Variants in MGMT observed in about 807,000 individuals in gnomAD.
The protein encoded by MGMT is O-6-methylguanine-DNA methyltransferase.
Under a neutral mutation model 15.9 loss-of-function variants are expected in MGMT, and 14 were observed. That is an observed-to-expected ratio of 0.88 (90% CI 0.58 to 1.37). The LOEUF (loss-of-function observed/expected upper bound fraction) is 1.37. MGMT is among the 40% of genes most tolerant of loss of function. The pLI is 0.00. For missense variants in MGMT, 282 were observed against 268.1 expected (o/e 1.05, Z -0.36); for synonymous variants, 130 against 118.2 (o/e 1.10, Z -0.65).
chr10:129,765,813 G>A (rs1287843071), intron 4 of MGMT, among the ~76,000 whole-genome samples: 1 of 152,154 alleles, frequency 6.6e-6, no homozygotes, highest in Non-Finnish European at 1.5e-5. Context: ...ATTCTCCCTT[G>A]TGGGTGTGAG....
At chr10:129,508,528 TTTTTTTG>T (rs1436924728) in intron 1 of MGMT, among the ~76,000 whole-genome samples, 2 of 151,134 alleles carry the variant, frequency 1.3e-5, no homozygotes, top group East Asian at 3.9e-4. Flanking sequence ...TTCTTTTTTT[TTTTTTTG>T]TTTTTTGTTT....
chr10:129,746,996 G>C (rs780989294), intron 3 of MGMT, among the ~76,000 whole-genome samples: 7 of 152,116 alleles, frequency 4.6e-5, no homozygotes, highest in African/African-American at 1.7e-4. Flanking sequence ...AGACATTCTT[G>C]TGATTACTTT....
At chr10:129,705,889 G>A (rs1041160027) in intron 2 of MGMT, among the ~76,000 whole-genome samples, 3 of 151,932 alleles carry the variant, frequency 2.0e-5, no homozygotes, top group Non-Finnish European at 4.4e-5. Context: ...TCAGCACGGG[G>A]CCAGGGCAAC....
intron 3 of MGMT, among the ~76,000 whole-genome samples, chr10:129,708,556 T>G (rs113600722): frequency 2.1e-4 from 32 of 152,356 alleles, no homozygotes; most frequent in African/African-American, 7.5e-4. Flanking sequence ...AAGAGATGAC[T>G]TGAGAACTTA....
intron 1 of MGMT, among the ~76,000 whole-genome samples, chr10:129,476,858 C>T (rs1006350627): frequency 1.3e-5 from 2 of 152,186 alleles, no homozygotes; most frequent in Non-Finnish European, 2.9e-5. Context: ...CAAACCCACA[C>T]CAGACTGAGT....
chr10:129,739,910 C>T (rs920593368), intron 3 of MGMT, among the ~76,000 whole-genome samples: 1 of 152,206 alleles, frequency 6.6e-6, no homozygotes, highest in Non-Finnish European at 1.5e-5. Context: ...AGATCAGATC[C>T]AGGTCAGAGG....
chr10:129,474,463 C>T (rs982327291), intron 1 of MGMT, among the ~76,000 whole-genome samples: 2 of 152,088 alleles, frequency 1.3e-5, no homozygotes, highest in African/African-American at 4.8e-5. Flanking sequence ...TTGAGAGAGA[C>T]GAAAGCCTTG....
intron 3 of MGMT, among the ~76,000 whole-genome samples, chr10:129,718,924 C>T (rs988847734): frequency 1.2e-4 from 18 of 150,886 alleles, no homozygotes; most frequent in African/African-American, 2.7e-4. Flanking sequence ...TTCGTTTGCC[C>T]GCTCAGGTGC....
chr10:129,732,217 C>T (rs554330346), intron 3 of MGMT, among the ~76,000 whole-genome samples: 32 of 152,130 alleles, frequency 2.1e-4, no homozygotes, highest in African/African-American at 7.2e-4. Context: ...AGGTTTGTTA[C>T]GTAGGTATAC....
chr10:129,763,491 A>G (rs1462881713), intron 4 of MGMT, among the ~76,000 whole-genome samples: 1 of 152,172 alleles, frequency 6.6e-6, no homozygotes, highest in Non-Finnish European at 1.5e-5. Flanking sequence ...ATTCCGTGCC[A>G]TCTGTCCTGG....
intron 2 of MGMT, among the ~76,000 whole-genome samples, chr10:129,688,612 AT>A (rs1454640727): frequency 1.3e-5 from 2 of 152,134 alleles, no homozygotes; most frequent in Non-Finnish European, 2.9e-5. Context: ...AGATGGGTAG[AT>A]TGCAAAAATT....
At chr10:129,546,890 C>T (rs1846103874) in intron 2 of MGMT, among the ~76,000 whole-genome samples, 1 of 152,158 alleles carries the variant, frequency 6.6e-6, no homozygotes, top group African/African-American at 2.4e-5. Flanking sequence ...GGAAATGGTT[C>T]CATCACAAAA....
Position 129,700,182 on chromosome 10 carries a change from A to G in MGMT, c.126-7713A>G, listed in dbSNP as rs553553171. On this transcript the variant is annotated intron_variant, in intron 2 of 4. Coordinates refer to ENST00000651593, the MANE Select transcript of MGMT (RefSeq NM_002412.5). The stretch of plus-strand genomic sequence containing the variant: ...TCATCAGCAACGGCAGCTCAAGACC[A>G]GCAAGGCCGCGGTTGTGTCTGTCAT... The G allele has an allele frequency of 2.0e-5, 3 of 152,306 alleles. No individual in the cohort carries two copies. In the East Asian group the frequency reaches 5.8e-4, roughly 29 times the overall value. 9.4% of individuals were successfully genotyped at this position (152,306 alleles called of 1,614,324 possible).
intron 2 of MGMT, among the ~76,000 whole-genome samples, chr10:129,600,961 A>G (rs985303416): frequency 3.3e-5 from 5 of 152,176 alleles, no homozygotes; most frequent in Admixed American, 6.5e-5. Flanking sequence ...ATGACAAATT[A>G]ATATTAATAT....
Position 129,542,190 on chromosome 10 carries a change from C to T in MGMT, c.125+5813C>T, listed in dbSNP as rs915212043. The stretch of plus-strand genomic sequence containing the variant: ...AGGTGACCTGCGTTTTGCCTCTCTC[C>T]TGCTCATCTCTAAATGTGTTCAGGA... On this transcript the variant is annotated intron_variant, in intron 2 of 4. Coordinates refer to ENST00000651593, the MANE Select transcript of MGMT (RefSeq NM_002412.5). Among the ~76,000 whole-genome samples the T allele has an allele frequency of 2.0e-5, 3 of 152,292 alleles. No homozygotes were observed. In the South Asian group the frequency reaches 6.2e-4, roughly 32 times the overall value.
chr10:129,538,107 A>G (rs1846005229), intron 2 of MGMT, among the ~76,000 whole-genome samples: 1 of 152,240 alleles, frequency 6.6e-6, no homozygotes, highest in South Asian at 2.1e-4. Context: ...ATAGTATATA[A>G]AAGTATATGA....
intron 1 of MGMT, among the ~76,000 whole-genome samples, chr10:129,493,827 G>A (rs1158800248): frequency 6.6e-6 from 1 of 152,168 alleles, no homozygotes; most frequent in Non-Finnish European, 1.5e-5. Flanking sequence ...ATACTCTCTA[G>A]GGGACAAAGC....
chr10:129,765,406 G>A (rs934510651), intron 4 of MGMT, among the ~76,000 whole-genome samples: 2 of 152,222 alleles, frequency 1.3e-5, no homozygotes, highest in African/African-American at 4.8e-5. Flanking sequence ...TGGCCATGCA[G>A]GCTGTGTGGC....
At chr10:129,737,205 A>G (rs148102982) in intron 3 of MGMT, among the ~76,000 whole-genome samples, 9,018 of 152,188 alleles carry the variant, frequency 0.059, 358 homozygotes, top group South Asian at 0.16. Context: ...CCAATCAGAC[A>G]TAGATTTGGT....
Sources: gnomAD v4.1 joint callset for allele counts (sites outside exome capture counted in the v4.1 genomes callset) on GRCh38, gnomAD v4.1.1 for gene constraint, MANE v1.5 for transcripts, NCBI Gene and HGNC (gene_info 2026-07-23, HGNC 2026-07-21) for gene names.